The following RAB40B variants were observed in gnomAD, a reference collection of about 807,000 sequenced individuals.
RAB40B encodes the protein ras-related protein Rab-40B.
RAB40B carries 21 observed loss-of-function variants against 24.0 expected under a neutral mutation model. That is an observed-to-expected ratio of 0.88 (90% confidence interval 0.62 to 1.26). The LOEUF (loss-of-function observed/expected upper bound fraction) is 1.26. Among genes scored for constraint, RAB40B ranks in the 50% most tolerant of loss-of-function variants. The probability of loss-of-function intolerance (pLI) is 0.00; values close to 1 mark genes in which losing one functional copy is unlikely to be tolerated. For synonymous variants in RAB40B, 167 were observed against 169.8 expected (o/e 0.98, Z 0.13); for missense variants, 348 against 390.5 (o/e 0.89, Z 0.92).
In RAB40B at chr17:82,684,974, C is replaced by T. The variant is rs146281802; in HGVS notation, c.142+13481G>A. Reference sequence around the variant, plus strand: ...ACTAAAAATAGAAAAATTACCCGGGCGTGGTGGCAGGCGCCTATAATCCCA... The same window carrying T: ...ACTAAAAATAGAAAAATTACCCGGGTGTGGTGGCAGGCGCCTATAATCCCA... On this transcript the variant is annotated intron_variant, in intron 1 of 5. Coordinates refer to ENST00000571995, the MANE Select transcript of RAB40B (RefSeq NM_006822.3). Among the ~76,000 whole-genome samples, 1,142 of 151,420 alleles carry T rather than the reference C, an allele frequency of 7.5e-3. 12 individuals carry two copies. Among genetic ancestry groups the T allele is most frequent in the African/African-American group, 0.027 (1,097 of 41,240 alleles).
intron 5 of RAB40B, 64 bp downstream of exon 5, chr17:82,658,427 G>A (rs1286138927): frequency 1.1e-5 from 17 of 1,552,074 alleles, no homozygotes; most frequent in Non-Finnish European, 1.5e-5. Flanking sequence ...TTATCCAGGG[G>A]GCCGCTGACC....
chr17:82,677,987 A>G (rs1464631209), intron 1 of RAB40B, among the ~76,000 whole-genome samples: 2 of 152,226 alleles, frequency 1.3e-5, no homozygotes, highest in Non-Finnish European at 2.9e-5. Flanking sequence ...TAACGCAGCC[A>G]TGTCTGCCTA....
At position 82,697,632 on chromosome 17, in the gene RAB40B, CCTCA is replaced by C. The variant is rs1180476400; in HGVS notation, c.142+819_142+822del. ...CGCGTGGGTGAAGGCCCCGCCTGCT[CCTCA>C]CTCCCAGCCGAGGTGTTCGCCTCTG... On this transcript the variant is annotated intron_variant, in intron 1 of 5. Transcript: ENST00000571995. The surrounding 1 kb of genome is among the most constrained non-coding windows in gnomAD (Gnocchi z 4.9). Among the ~76,000 whole-genome samples the C allele has an allele frequency of 6.6e-6, 1 of 152,228 alleles. No homozygotes were observed. Among genetic ancestry groups the C allele is most frequent in the Non-Finnish European group, 1.5e-5 (1 of 68,032 alleles).
At position 82,656,121 on chromosome 17, in the gene RAB40B, G is replaced by T. The variant is rs2046084819; in HGVS notation, c.*1742C>A. The T allele has an allele frequency of 6.6e-6, 1 of 151,800 alleles. No individual in the cohort carries two copies. Among genetic ancestry groups the T allele is most frequent in the Non-Finnish European group, 1.5e-5 (1 of 67,980 alleles). The allele number at this position is 151,800 out of a possible 1,614,324, so 9.4% of individuals were successfully genotyped here. The stretch of plus-strand genomic sequence containing the variant: ...GCGCTGCCATGCCAAGCCAATTTTT[G>T]TAATTTTATTAGAGACGGGGTTTCA... On this transcript the variant is annotated 3_prime_UTR_variant, in exon 6 of 6. Transcript: ENST00000571995.
chr17:82,670,948 C>T (rs2046324230), intron 1 of RAB40B, among the ~76,000 whole-genome samples: 1 of 152,028 alleles, frequency 6.6e-6, no homozygotes, highest in Non-Finnish European at 1.5e-5. Flanking sequence ...ATGTTGGACC[C>T]TGGCCCACCC....
chr17:82,678,943 C>T lies in RAB40B; in HGVS notation c.143-14387G>A, dbSNP rs865973805. On this transcript the variant is annotated intron_variant, in intron 1 of 5. Transcript: ENST00000571995. ...TGTCGCCCAGGCTGGAGTGCAGTGG[C>T]GCCATCTCGGCTCACTGCAAGCTCC... Among the ~76,000 whole-genome samples, 366 of 123,976 alleles carry T rather than the reference C, an allele frequency of 3.0e-3. 4 individuals are homozygous for T. The highest frequency in any genetic ancestry group is 0.029 in the Middle Eastern group (4 of 140). 81.3% of individuals were successfully genotyped at this position (123,976 alleles called of 152,430 possible).
intron 1 of RAB40B, among the ~76,000 whole-genome samples, chr17:82,671,836 C>T (rs61726352): frequency 3.1e-4 from 2 of 6,554 alleles, no homozygotes; most frequent in African/African-American, 9.0e-4. Context: ...CACTGACACA[C>T]CCCACCCCGT....
intron 1 of RAB40B, 78 bp from the exon 2 acceptor site, chr17:82,664,634 A>G: frequency 7.1e-7 from 1 of 1,412,518 alleles, no homozygotes; most frequent in East Asian, 2.3e-5. Flanking sequence ...CAGGGAAGAA[A>G]AGGGTTTCTC....
intron 1 of RAB40B, among the ~76,000 whole-genome samples, chr17:82,674,288 A>G (rs1157529481): frequency 2.0e-5 from 3 of 148,898 alleles, no homozygotes; most frequent in Non-Finnish European, 3.0e-5. Context: ...GCAGTGAGCC[A>G]AGATCGCGCC....
At chr17:82,670,813 G>A (rs1022026733) in intron 1 of RAB40B, among the ~76,000 whole-genome samples, 1 of 152,056 alleles carries the variant, frequency 6.6e-6, no homozygotes, top group Non-Finnish European at 1.5e-5. Flanking sequence ...GATTACAGGT[G>A]TGAGGTACCG....
In RAB40B at chr17:82,658,139, G is replaced by A. The variant is rs747211013; in HGVS notation, c.566-5C>T. On this transcript the variant is annotated splice_polypyrimidine_tract_variant and splice_region_variant and intron_variant, in intron 5 of 5. Transcript: ENST00000571995. The stretch of plus-strand genomic sequence containing the variant: ...AGAGGTCTTGCAAGCTCAGCACTTG[G>A]GAGAGAAAAGATAAACCTTGCTTAG... 28 of 1,612,154 alleles carry A rather than the reference G, an allele frequency of 1.7e-5. No individual in the cohort carries two copies. In the African/African-American group the frequency reaches 3.2e-4, roughly 18 times the overall value.
At chr17:82,695,390 C>T (rs2143564780) in intron 1 of RAB40B, among the ~76,000 whole-genome samples, 1 of 151,398 alleles carries the variant, frequency 6.6e-6, no homozygotes, top group South Asian at 2.1e-4. Context: ...TAGGGTTTCA[C>T]CATGTTGACC....
At chr17:82,690,762 G>C in intron 1 of RAB40B, among the ~76,000 whole-genome samples, 1 of 148,772 alleles carries the variant, frequency 6.7e-6, no homozygotes, top group Non-Finnish European at 1.5e-5. Context: ...TGTGTCCAGG[G>C]GAAGATCTGC....
In RAB40B at chr17:82,698,664, C is replaced by G. The variant is rs2046639424; in HGVS notation, c.-68G>C. 7 of 1,132,272 alleles carry G rather than the reference C, an allele frequency of 6.2e-6. No individual in the cohort carries two copies. Among genetic ancestry groups the G allele is most frequent in the Non-Finnish European group, 7.7e-6 (7 of 913,108 alleles). 70.1% of individuals were successfully genotyped at this position (1,132,272 alleles called of 1,614,324 possible). A position where few individuals can be genotyped will look rare whatever the true frequency, so the allele number is the denominator to read the frequency against. On this transcript the variant is annotated 5_prime_UTR_variant, in exon 1 of 6. Coordinates refer to ENST00000571995, the MANE Select transcript of RAB40B (RefSeq NM_006822.3). ...TGAGCGCAGAGGCGGCGGCCCGGCC[C>G]CGAGAGGCGCCGCGCGGGCCCCGAG... is the stretch of plus-strand genomic sequence containing the variant.
At chr17:82,674,883 GAAC>G (rs2046380958) in intron 1 of RAB40B, among the ~76,000 whole-genome samples, 1 of 152,038 alleles carries the variant, frequency 6.6e-6, no homozygotes, top group African/African-American at 2.4e-5. Context: ...AGAGGAGAAA[GAAC>G]AACACGAGAT....
intron 1 of RAB40B, among the ~76,000 whole-genome samples, chr17:82,691,423 C>T (rs9912679): frequency 0.016 from 2,485 of 152,230 alleles, 70 homozygotes; most frequent in African/African-American, 0.055. Context: ...CGGTGGCTCA[C>T]GCCTGTAATC....
rs1336399114 is a variant in RAB40B at position 82,657,724 on chromosome 17, A to T, written c.*139T>A. Reference sequence around the variant, plus strand: ...AAGTCCGACGGGGTAGTGTGTTTCCATCACACGGAAGGCGTCGCACACATT... The same window carrying T: ...AAGTCCGACGGGGTAGTGTGTTTCCTTCACACGGAAGGCGTCGCACACATT... On this transcript the variant is annotated 3_prime_UTR_variant, in exon 6 of 6. Transcript: ENST00000571995. The T allele has an allele frequency of 2.9e-6, 3 of 1,041,758 alleles. No homozygotes were observed. The African/African-American group carries it at 4.7e-5, about 16-fold the overall frequency. 64.5% of individuals were successfully genotyped at this position (1,041,758 alleles called of 1,614,324 possible).
rs757421185 is a variant in RAB40B at position 82,698,534 on chromosome 17, G to T, written c.63C>A (p.Gly21=). The T allele has an allele frequency of 6.5e-7, 1 of 1,528,778 alleles. No homozygotes were observed. The highest frequency in any genetic ancestry group is 8.8e-7 in the Non-Finnish European group (1 of 1,133,310). 94.7% of individuals were successfully genotyped at this position (1,528,778 alleles called of 1,614,324 possible). ...YDFLLKFLLV[G]DSDVGKGEIL... Reference sequence around the variant, plus strand: ...TCTCGCCCTTGCCCACGTCGCTGTCGCCCACCAGCAGGAACTTGAGCAGAA... The same window carrying T: ...TCTCGCCCTTGCCCACGTCGCTGTCTCCCACCAGCAGGAACTTGAGCAGAA... Residue 21 remains glycine (G), a synonymous_variant, in exon 1 of 6, where the codon GGC becomes GGA. Transcript: ENST00000571995.
intron 3 of RAB40B, among the ~76,000 whole-genome samples, chr17:82,660,364 CGCACAG>C (rs1350037009): frequency 2.0e-5 from 3 of 151,938 alleles, no homozygotes; most frequent in Non-Finnish European, 4.4e-5. Context: ...CACACACACA[CGCACAG>C]GCACTCATGC....
Sources: allele counts gnomAD v4.1 joint callset (sites outside exome capture counted in the v4.1 genomes callset), GRCh38; gene constraint gnomAD v4.1.1; non-coding constraint Gnocchi (gnomAD v3.1); transcripts MANE v1.5; gene names NCBI Gene and HGNC (gene_info 2026-07-23, HGNC 2026-07-21).